TMEFF2: variants seen among roughly 807,000 people sequenced by gnomAD.
TMEFF2 encodes the protein tomoregulin-2.
TMEFF2 carries 28 observed loss-of-function variants against 53.8 expected under a neutral mutation model. The observed-to-expected ratio is 0.52, with a 90% CI of 0.39 to 0.71. TMEFF2 has a LOEUF of 0.71. Ranked by LOEUF, TMEFF2 falls within the 30% of genes least tolerant of loss-of-function variation. The pLI is 0.00. For synonymous variants in TMEFF2, 162 were observed against 166.3 expected, an observed-to-expected ratio of 0.97 and a Z score of 0.20; for missense variants, 353 against 455.2, an observed-to-expected ratio of 0.78 and a Z score of 2.04.
intron 5 of TMEFF2, among the ~76,000 whole-genome samples, chr2:192,018,387 A>T (rs948925164): frequency 1.3e-5 from 2 of 152,116 alleles, no homozygotes; most frequent in Non-Finnish European, 2.9e-5. Flanking sequence ...TTACCCTTAC[A>T]TATTGAGACA....
chr2:192,098,883 C>T (rs1688973731), intron 4 of TMEFF2, among the ~76,000 whole-genome samples: 1 of 151,938 alleles, frequency 6.6e-6, no homozygotes, highest in Admixed American at 6.6e-5. Flanking sequence ...AGTTATTCAC[C>T]AAAAAATTGA....
chr2:192,145,835 T>C (rs1441358507), intron 4 of TMEFF2, among the ~76,000 whole-genome samples: 2 of 152,052 alleles, frequency 1.3e-5, no homozygotes, highest in African/African-American at 4.8e-5. Context: ...CTTAGAATAG[T>C]GAGCAACATC....
At chr2:192,013,901 AAATG>A (rs766280461) in intron 5 of TMEFF2, among the ~76,000 whole-genome samples, 68 of 152,336 alleles carry the variant, frequency 4.5e-4, no homozygotes, top group Non-Finnish European at 7.6e-4. Context: ...TTTGTTGAAA[AAATG>A]AATAAGTAAA....
intron 4 of TMEFF2, among the ~76,000 whole-genome samples, chr2:192,104,014 A>T (rs1689092764): frequency 6.6e-6 from 1 of 152,100 alleles, no homozygotes. Flanking sequence ...TCCAACTTTC[A>T]TTATGAAGGC....
intron 7 of TMEFF2, among the ~76,000 whole-genome samples, chr2:191,977,674 C>T (rs1044283366): frequency 8.6e-5 from 13 of 152,030 alleles, no homozygotes; most frequent in Admixed American, 3.3e-4. Flanking sequence ...ATTTCTCAAA[C>T]TAAAGGCAAT....
chr2:192,064,594 TCCC>T (rs1160732803), intron 4 of TMEFF2, among the ~76,000 whole-genome samples: 1 of 151,858 alleles, frequency 6.6e-6, no homozygotes. Flanking sequence ...TTGTATCATT[TCCC>T]CCCATTATCT....
At chr2:191,969,743 A>C (rs1274243477) in intron 7 of TMEFF2, among the ~76,000 whole-genome samples, 2 of 152,142 alleles carry the variant, frequency 1.3e-5, no homozygotes, top group Non-Finnish European at 2.9e-5. Context: ...AATTAGTGTA[A>C]GCAATTCTCA....
intron 9 of TMEFF2, among the ~76,000 whole-genome samples, chr2:191,950,714 A>G (rs10170881): frequency 0.36 from 54,989 of 151,948 alleles, 10,250 homozygotes; most frequent in African/African-American, 0.43. Flanking sequence ...CAAGCAAGTC[A>G]TGGGCCCATT....
intron 7 of TMEFF2, among the ~76,000 whole-genome samples, chr2:191,977,177 T>C (rs1685749011): frequency 6.6e-6 from 1 of 152,254 alleles, no homozygotes; most frequent in South Asian, 2.1e-4. Context: ...GAGTATTCCA[T>C]GCTGGACCAA....
intron 7 of TMEFF2, among the ~76,000 whole-genome samples, chr2:191,974,981 T>A (rs1685673802): frequency 6.6e-6 from 1 of 151,906 alleles, no homozygotes; most frequent in Admixed American, 6.6e-5. Context: ...AATTATAACA[T>A]CATCCAAAAT....
intron 9 of TMEFF2, among the ~76,000 whole-genome samples, chr2:191,950,966 TAATATTCAGTCA>T (rs1286845141): frequency 6.6e-6 from 1 of 152,220 alleles, no homozygotes; most frequent in African/African-American, 2.4e-5. Flanking sequence ...TATAAAAATC[TAATATTCAGTCA>T]AATTATCTGA....
At chr2:192,170,816 T>C (rs185504788) in intron 4 of TMEFF2, among the ~76,000 whole-genome samples, 4 of 152,218 alleles carry the variant, frequency 2.6e-5, no homozygotes, top group Admixed American at 2.6e-4. Flanking sequence ...GGAATAATTC[T>C]TTTGGTTTGA....
At chr2:192,075,222 GT>G (rs1399190059) in intron 4 of TMEFF2, among the ~76,000 whole-genome samples, 2 of 143,844 alleles carry the variant, frequency 1.4e-5, no homozygotes, top group African/African-American at 5.2e-5. Flanking sequence ...TATATTTATA[GT>G]TTGGATTAGC....
At chr2:192,172,500 G>T (rs1690940886) in intron 4 of TMEFF2, among the ~76,000 whole-genome samples, 1 of 151,850 alleles carries the variant, frequency 6.6e-6, no homozygotes, top group African/African-American at 2.4e-5. Flanking sequence ...TATGTGCTTT[G>T]TACCACTACC....
At chr2:192,003,907 G>GA (rs1177276953) in intron 5 of TMEFF2, among the ~76,000 whole-genome samples, 4 of 97,458 alleles carry the variant, frequency 4.1e-5, no homozygotes, top group Admixed American at 3.9e-4. Flanking sequence ...TTATATGAGT[G>GA]AAAAAATTTG....
rs757893938 is a variant in TMEFF2 at position 192,156,253 on chromosome 2, CA to C, written c.439+23414del. On this transcript the variant is annotated intron_variant, in intron 4 of 9. Transcript: ENST00000272771. ...AGTGATCTCTTATCCATAATGCTAA[CA>C]ACAGGTAACATTTCATGAATGTTTA... is the stretch of plus-strand genomic sequence containing the variant. 1.1e-4 allele frequency among the ~76,000 whole-genome samples: 17 copies of C among 152,124 alleles called. No individual in the cohort carries two copies. In the East Asian group the frequency reaches 1.4e-3, roughly 12 times the overall value.
intron 5 of TMEFF2, among the ~76,000 whole-genome samples, chr2:192,007,526 C>T (rs1439991800): frequency 2.0e-5 from 3 of 152,118 alleles, no homozygotes; most frequent in African/African-American, 4.8e-5. Flanking sequence ...AGACAGTATA[C>T]AGTGTGCTGG....
intron 2 of TMEFF2, among the ~76,000 whole-genome samples, chr2:192,190,009 T>TC (rs1691423363): frequency 6.6e-6 from 1 of 152,158 alleles, no homozygotes; most frequent in Non-Finnish European, 1.5e-5. Flanking sequence ...TCGTTTCCAC[T>TC]CCCCCATCTA....
chr2:192,012,448 G>C (rs761079284), intron 5 of TMEFF2, among the ~76,000 whole-genome samples: 1 of 152,156 alleles, frequency 6.6e-6, no homozygotes, highest in Non-Finnish European at 1.5e-5. Context: ...TGCTTAGATA[G>C]ATTATCATCA....
Sources: allele counts gnomAD v4.1 joint callset (sites outside exome capture counted in the v4.1 genomes callset), GRCh38; gene constraint gnomAD v4.1.1; transcripts MANE v1.5; gene names NCBI Gene and HGNC (gene_info 2026-07-23, HGNC 2026-07-21).